Variants in FHIT observed in about 807,000 individuals in gnomAD.
FHIT encodes the protein bis(5'-adenosyl)-triphosphatase.
FHIT carries 19 observed loss-of-function variants against 17.9 expected under a neutral mutation model. The observed-to-expected ratio is 1.06, with a 90% CI of 0.74 to 1.56. The LOEUF is 1.56. Ranked by LOEUF, FHIT falls within the 40% of genes most tolerant of loss-of-function variation. The pLI, the probability that FHIT is intolerant of heterozygous loss-of-function variation, is 0.00. For synonymous variants in FHIT, 81 were observed against 69.7 expected (o/e 1.16, Z -0.81); for missense variants, 248 against 189.2 (o/e 1.31, Z -1.82).
At chr3:60,359,727 T>C (rs1051105423) in intron 5 of FHIT, among the ~76,000 whole-genome samples, 15 of 152,244 alleles carry the variant, frequency 9.9e-5, no homozygotes, top group African/African-American at 3.6e-4. Flanking sequence ...GGATAGATTA[T>C]GAAATTCCAG....
intron 3 of FHIT, among the ~76,000 whole-genome samples, chr3:60,951,652 A>T (rs1708889967): frequency 6.6e-6 from 1 of 152,252 alleles, no homozygotes; most frequent in South Asian, 2.1e-4. Context: ...GCTTGCTACC[A>T]GCACAACGCT....
intron 8 of FHIT, among the ~76,000 whole-genome samples, chr3:59,833,423 G>A (rs1701232738): frequency 6.6e-6 from 1 of 152,128 alleles, no homozygotes; most frequent in Non-Finnish European, 1.5e-5. Flanking sequence ...TACAAGCCAA[G>A]GAACATCAAA....
intron 3 of FHIT, among the ~76,000 whole-genome samples, chr3:60,839,410 G>A (rs1407282364): frequency 2.0e-5 from 3 of 152,168 alleles, no homozygotes; most frequent in African/African-American, 7.2e-5. Context: ...TCTGTGACCA[G>A]TGAGTGAAGC....
At chr3:60,450,471 C>T (rs115037738) in intron 5 of FHIT, among the ~76,000 whole-genome samples, 1 of 152,002 alleles carries the variant, frequency 6.6e-6, no homozygotes, top group African/African-American at 2.4e-5. Context: ...TAGAACTATG[C>T]AAGTGACAAA....
At chr3:60,008,925 C>T (rs1291952996) in intron 7 of FHIT, among the ~76,000 whole-genome samples, 2 of 152,210 alleles carry the variant, frequency 1.3e-5, no homozygotes, top group Non-Finnish European at 2.9e-5. Context: ...TGGCAAATAT[C>T]TATCACGGGA....
At chr3:60,147,912 G>A (rs1700309556) in intron 5 of FHIT, among the ~76,000 whole-genome samples, 1 of 152,134 alleles carries the variant, frequency 6.6e-6, no homozygotes, top group Non-Finnish European at 1.5e-5. Context: ...GCCACTATTA[G>A]GACAGTGGAA....
chr3:60,532,507 T>A (rs2035823079), intron 5 of FHIT, among the ~76,000 whole-genome samples: 1 of 152,190 alleles, frequency 6.6e-6, no homozygotes, highest in Admixed American at 6.5e-5. Context: ...AGGAATAAAA[T>A]GTTTGCTGCA....
chr3:60,126,802 GGA>G (rs1559656599), intron 5 of FHIT, among the ~76,000 whole-genome samples: 6 of 151,714 alleles, frequency 4.0e-5, no homozygotes, highest in African/African-American at 1.5e-4. Context: ...CCAGATCTGG[GGA>G]TTTTCAGAAA....
At chr3:60,021,774 T>C (rs1325616671) in intron 5 of FHIT, among the ~76,000 whole-genome samples, 2 of 152,172 alleles carry the variant, frequency 1.3e-5, no homozygotes, top group Admixed American at 6.5e-5. Context: ...ACAATGTCCA[T>C]GCTGTTTCAA....
chr3:60,528,968 C>A (rs1457162888), intron 5 of FHIT, among the ~76,000 whole-genome samples: 1 of 152,120 alleles, frequency 6.6e-6, no homozygotes, highest in Non-Finnish European at 1.5e-5. Flanking sequence ...TAAGACATAT[C>A]CACCCATATC....
chr3:60,299,246 A>G (rs985211166), intron 5 of FHIT, among the ~76,000 whole-genome samples: 1 of 152,018 alleles, frequency 6.6e-6, no homozygotes, highest in African/African-American at 2.4e-5. Context: ...TTTCAAATAA[A>G]CCCTACTTGA....
intron 4 of FHIT, among the ~76,000 whole-genome samples, chr3:60,677,306 C>T (rs1310077240): frequency 6.6e-6 from 1 of 152,076 alleles, no homozygotes; most frequent in Non-Finnish European, 1.5e-5. Flanking sequence ...ACCTCACTCC[C>T]CTCCCACCCC....
chr3:60,449,560 G>C (rs2107362071), intron 5 of FHIT, among the ~76,000 whole-genome samples: 1 of 152,096 alleles, frequency 6.6e-6, no homozygotes, highest in South Asian at 2.1e-4. Context: ...AGATGGTGCA[G>C]CCTACTACAT....
chr3:60,141,182 A>C (rs529151484), intron 5 of FHIT, among the ~76,000 whole-genome samples: 3 of 152,222 alleles, frequency 2.0e-5, no homozygotes, highest in East Asian at 3.9e-4. Flanking sequence ...GGACATTCTT[A>C]AGAGAATTAA....
rs35278876 is a variant in FHIT at position 60,505,077 on chromosome 3, A to ATT, written c.103+31781_103+31782dup. On this transcript the variant is annotated intron_variant, in intron 5 of 9. Transcript: ENST00000492590. Reference sequence around the variant, plus strand: ...TATTTTGGACATTTGTCAAAGATGTATTTTTTTTCCTATTTAGATCATGAG... The same window carrying ATT: ...TATTTTGGACATTTGTCAAAGATGTATTTTTTTTTTCCTATTTAGATCATGAG... Among the ~76,000 whole-genome samples the ATT allele has an allele frequency of 1.8e-3, 270 of 152,030 alleles. 4 individuals carry two copies. The highest frequency in any genetic ancestry group is 6.3e-3 in the African/African-American group (261 of 41,440).
chr3:60,118,302 G>A lies in FHIT; in HGVS notation c.104-104150C>T, dbSNP rs557929868. 2.3e-3 allele frequency among the ~76,000 whole-genome samples: 333 copies of A among 147,974 alleles called. 1 individual carries two copies. The highest frequency in any genetic ancestry group is 6.9e-3 in the African/African-American group (279 of 40,146). On this transcript the variant is annotated intron_variant, in intron 5 of 9. Transcript: ENST00000492590. The stretch of plus-strand genomic sequence containing the variant: ...TTAATTTTTTTTTTTTTTTTGTAGA[G>A]ACAGGGTCTTTTCCAGGATGGTCTT...
At chr3:59,975,913 G>A (rs13097687) in intron 7 of FHIT, among the ~76,000 whole-genome samples, 13,281 of 152,060 alleles carry the variant, frequency 0.087, 763 homozygotes, top group Non-Finnish European at 0.13. Flanking sequence ...TTCCTTTACC[G>A]TCACAGAGAG....
At chr3:60,118,285 T>TC (rs1160451572) in intron 5 of FHIT, among the ~76,000 whole-genome samples, 1 of 151,590 alleles carries the variant, frequency 6.6e-6, no homozygotes, top group East Asian at 1.9e-4. Context: ...TTTTAATTTT[T>TC]TTTTTTTTTT....
intron 5 of FHIT, among the ~76,000 whole-genome samples, chr3:60,451,778 T>C (rs2031763149): frequency 6.6e-6 from 1 of 152,164 alleles, no homozygotes; most frequent in Admixed American, 6.5e-5. Context: ...CATGACCCCA[T>C]AGGTAGCACT....
Sources: allele counts gnomAD v4.1 joint callset (sites outside exome capture counted in the v4.1 genomes callset), GRCh38; gene constraint gnomAD v4.1.1; transcripts MANE v1.5; gene names NCBI Gene and HGNC (gene_info 2026-07-23, HGNC 2026-07-21).